Variants in PRDM11 observed in about 807,000 individuals in gnomAD.
PRDM11 encodes PR/SET domain 11.
Under a neutral mutation model 97.8 loss-of-function variants are expected in PRDM11, and 20 were observed. That is an observed-to-expected ratio of 0.20 (90% CI 0.14 to 0.30). The LOEUF is 0.30. Ranked by LOEUF, PRDM11 falls within the 10% of genes least tolerant of loss-of-function variation. PRDM11 has a pLI of 1.00. For missense variants in PRDM11, 1,139 were observed against 1,555.2 expected, an observed-to-expected ratio of 0.73 and a Z score of 4.50; for synonymous variants, 599 against 637.7, an observed-to-expected ratio of 0.94 and a Z score of 0.91.
At chr11:45,165,111 G>T (rs977992113) in intron 1 of PRDM11, among the ~76,000 whole-genome samples, 1 of 152,132 alleles carries the variant, frequency 6.6e-6, no homozygotes, top group South Asian at 2.1e-4. Flanking sequence ...TTAGTAAGTC[G>T]TAGAGCTGGG....
At chr11:45,197,176 A>G (rs2135777851) in intron 4 of PRDM11, among the ~76,000 whole-genome samples, 1 of 152,320 alleles carries the variant, frequency 6.6e-6, no homozygotes, top group Non-Finnish European at 1.5e-5. Flanking sequence ...CAGTAAAAAG[A>G]AGGAAATTCT....
chr11:45,174,537 T>C (rs1852282151), intron 1 of PRDM11, among the ~76,000 whole-genome samples: 2 of 152,248 alleles, frequency 1.3e-5, no homozygotes, highest in South Asian at 4.1e-4. Flanking sequence ...ATTGATTGAT[T>C]CATTGAGTCA....
chr11:45,136,535 G>A (rs1347158909), intron 1 of PRDM11, among the ~76,000 whole-genome samples: 2 of 152,202 alleles, frequency 1.3e-5, no homozygotes, highest in Non-Finnish European at 2.9e-5. Context: ...AATCAAATCT[G>A]AGTACCCAAT....
At chr11:45,180,117 A>T (rs1376813362) in intron 1 of PRDM11, among the ~76,000 whole-genome samples, 3 of 152,262 alleles carry the variant, frequency 2.0e-5, no homozygotes, top group Non-Finnish European at 4.4e-5. Flanking sequence ...TTTCCAATTT[A>T]CTAAGCAGCC....
At chr11:45,124,977 T>C (rs1852530550) in intron 1 of PRDM11, among the ~76,000 whole-genome samples, 2 of 152,222 alleles carry the variant, frequency 1.3e-5, no homozygotes, top group African/African-American at 4.8e-5. Flanking sequence ...CCTGGACTTT[T>C]TTTGGTTGGT....
upstream of PRDM11, among the ~76,000 whole-genome samples, chr11:45,142,520 A>T (rs1174562389): frequency 6.6e-6 from 1 of 151,004 alleles, no homozygotes; most frequent in Admixed American, 6.6e-5. Flanking sequence ...CTATTCCCAT[A>T]CCTCTCCACC....
chr11:45,155,242 T>C (rs1430606219), intron 1 of PRDM11, among the ~76,000 whole-genome samples: 1 of 151,900 alleles, frequency 6.6e-6, no homozygotes, highest in Non-Finnish European at 1.5e-5. Context: ...GGGAAAGGGG[T>C]GAGGGCCAGG....
At chr11:45,116,050 A>C (rs1031788372) in intron 1 of PRDM11, among the ~76,000 whole-genome samples, 1 of 152,210 alleles carries the variant, frequency 6.6e-6, no homozygotes, top group Non-Finnish European at 1.5e-5. Context: ...GAAAGGCATG[A>C]CAATTACAAA....
rs142001187 is a variant in PRDM11 at position 45,199,521 on chromosome 11, G to T, written c.487-5190G>T. On this transcript the variant is annotated intron_variant, in intron 4 of 7. Coordinates refer to ENST00000683152, the MANE Select transcript of PRDM11 (RefSeq NM_001384648.1). ...GCTAAGGGAGCCTCTCACCATGCAG[G>T]TTCCCCAGGTTATCAGCCTGGTTCC... Among the ~76,000 whole-genome samples, 59 of 152,302 alleles carry T rather than the reference G, an allele frequency of 3.9e-4. 2 individuals are homozygous for T. The East Asian group carries it at 8.1e-3, about 21-fold the overall frequency.
chr11:45,148,418 G>A (rs2135679407), intron 1 of PRDM11, among the ~76,000 whole-genome samples: 1 of 152,290 alleles, frequency 6.6e-6, no homozygotes. Context: ...TGTTTAAGAA[G>A]TGTTCTCCCC....
At position 45,232,921 on chromosome 11, in the gene PRDM11, C is replaced by G. The variant is rs1854425851; in HGVS notation, c.*4762C>G. On this transcript the variant is annotated 3_prime_UTR_variant, in exon 8 of 8. Transcript: ENST00000683152. ...CCATCTGGCACTCCCTTCCCCCCCA[C>G]CCCCTCAAGTGGTATCACCCTGGAA... 6.6e-6 allele frequency: 1 copy of G among 151,826 alleles called. No homozygotes were observed. The highest frequency in any genetic ancestry group is 1.5e-5 in the Non-Finnish European group (1 of 67,992). The allele number at this position is 151,826 out of a possible 1,614,324, so 9.4% of individuals were successfully genotyped here.
At position 45,234,621 on chromosome 11, in the gene PRDM11, CAGAG is replaced by C; in HGVS notation, c.*6469_*6472del. ...AGCAATCCCACAATGCACTGTACCTCAGAGAGAGAGCACGCCAGGGGCACCAAGG... is the reference window on the plus strand; with the variant it reads ...AGCAATCCCACAATGCACTGTACCTCAGAGAGCACGCCAGGGGCACCAAGG... On this transcript the variant is annotated 3_prime_UTR_variant, in exon 8 of 8. Coordinates refer to ENST00000683152, the MANE Select transcript of PRDM11 (RefSeq NM_001384648.1). The C allele has an allele frequency of 6.6e-6, 1 of 152,408 alleles. No homozygotes were observed. The highest frequency in any genetic ancestry group is 2.4e-5 in the African/African-American group (1 of 41,542). 9.4% of individuals were successfully genotyped at this position (152,408 alleles called of 1,614,324 possible). A position where few individuals can be genotyped will look rare whatever the true frequency, so the allele number is the denominator to read the frequency against.
intron 1 of PRDM11, among the ~76,000 whole-genome samples, chr11:45,152,385 A>G (rs1851681040): frequency 6.6e-6 from 1 of 152,150 alleles, no homozygotes; most frequent in East Asian, 1.9e-4. Flanking sequence ...TTTCTTGTTT[A>G]AAATTGCAAC....
chr11:45,164,006 C>G (rs1312379136), intron 1 of PRDM11, among the ~76,000 whole-genome samples: 1 of 152,212 alleles, frequency 6.6e-6, no homozygotes, highest in Admixed American at 6.5e-5. Context: ...TCACGGAGCT[C>G]ATGAGATCCA....
rs1384854919 is a variant in PRDM11, at chr11:45,219,253, A to G, written c.555-317A>G. On this transcript the variant is annotated intron_variant, in intron 5 of 7. Transcript: ENST00000683152. The surrounding 1 kb of genome is among the most constrained non-coding windows in gnomAD (Gnocchi z 4.2). ...GAGATAACCTTTCAGTTTTTCAATC[A>G]CTTATAATATTTAGTTGATATATTT... Among the ~76,000 whole-genome samples, 1 of 152,132 alleles carries G rather than the reference A, an allele frequency of 6.6e-6. No homozygotes were observed. The highest frequency in any genetic ancestry group is 1.5e-5 in the Non-Finnish European group (1 of 68,038).
At chr11:45,225,751 G>A (rs1045149233) in intron 7 of PRDM11, among the ~76,000 whole-genome samples, 1 of 152,154 alleles carries the variant, frequency 6.6e-6, no homozygotes, top group Non-Finnish European at 1.5e-5. Context: ...GCAAGGGCAG[G>A]CAGCCTGAAA....
chr11:45,095,613 C>T (rs145795388), upstream of PRDM11, among the ~76,000 whole-genome samples: 1 of 152,366 alleles, frequency 6.6e-6, no homozygotes, highest in Non-Finnish European at 1.5e-5. Flanking sequence ...CCAGACTCCT[C>T]TGCAATTACA....
At chr11:45,217,047 G>A (rs1853975501) in intron 5 of PRDM11, among the ~76,000 whole-genome samples, 1 of 152,202 alleles carries the variant, frequency 6.6e-6, no homozygotes. Flanking sequence ...TGAGAAAAAA[G>A]ACGAATGAAT....
chr11:45,212,879 G>A (rs906133721), intron 5 of PRDM11: 22 of 432,116 alleles, frequency 5.1e-5, no homozygotes, highest in Non-Finnish European at 9.4e-5. Flanking sequence ...AGAGATCCGG[G>A]ATGGGGTTCA....
Sources: allele counts gnomAD v4.1 joint callset (sites outside exome capture counted in the v4.1 genomes callset), GRCh38; gene constraint gnomAD v4.1.1; non-coding constraint Gnocchi (gnomAD v3.1); transcripts MANE v1.5; gene names NCBI Gene and HGNC (gene_info 2026-07-23, HGNC 2026-07-21).